Variants in ZGRF1 observed in about 807,000 individuals in gnomAD.
ZGRF1 encodes the protein zinc finger GRF-type containing 1, also known as 5'-3' DNA helicase ZGRF1.
Under a neutral mutation model 203.5 loss-of-function variants are expected in ZGRF1, and 196 were observed. The observed-to-expected ratio is 0.96, with a 90% confidence interval of 0.86 to 1.08. The LOEUF (loss-of-function observed/expected upper bound fraction) is 1.08, where lower values mean the gene tolerates loss of function less well. ZGRF1 is among the 50% of genes least tolerant of loss of function. The probability of loss-of-function intolerance (pLI) is 0.00; values close to 1 mark genes in which losing one functional copy is unlikely to be tolerated. For synonymous variants in ZGRF1, 809 were observed against 841.3 expected (o/e 0.96, Z 0.66); for missense variants, 2,326 against 2,416.3 (o/e 0.96, Z 0.78).
In ZGRF1 at chr4:112,540,855, C is replaced by T; in HGVS notation, c.5876G>A (p.Gly1959Asp). ...IASGIAGSMI[G>D]VITLYKSQMY... ...CTGGGATTTGTATAATGTTATCACA[C>T]CAATCATAGAGCCTGCTATTCCACT... Residue 1959 changes from glycine (G) to aspartate (D), a missense_variant, in exon 26 of 28, where the codon GGT (glycine) becomes GAT (aspartate). Coordinates refer to ENST00000505019, the MANE Select transcript of ZGRF1 (RefSeq NM_018392.5). The T allele has an allele frequency of 1.9e-6, 3 of 1,595,540 alleles. No individual in the cohort carries two copies. Among genetic ancestry groups the T allele is most frequent in the Non-Finnish European group, 1.7e-6 (2 of 1,169,868 alleles).
In ZGRF1 at chr4:112,631,977, T is replaced by C. The variant is rs1277739440; in HGVS notation, c.55A>G (p.Lys19Glu). ...TTCAGAATTCCATCTTGCCACACTT[T>C]TGACTTCTTCATCTTTTGATGAGTA... ...LYTHQKMKKSKVWQDGILKIT... is the reference protein window; with the variant it reads ...LYTHQKMKKSEVWQDGILKIT... Residue 19 changes from lysine to glutamate, a missense_variant, in exon 3 of 28, where the codon AAA becomes GAA. Lys to Glu is a moderately conservative substitution (Grantham distance 56). Transcript: ENST00000505019. 1.3e-6 allele frequency: 2 copies of C among 1,595,492 alleles called. No individual in the cohort carries two copies. The highest frequency in any genetic ancestry group is 1.7e-6 in the Non-Finnish European group (2 of 1,170,888).
chr4:112,562,342 C>T lies in ZGRF1; in HGVS notation c.4697+29G>A, dbSNP rs747664152. On this transcript the variant is annotated intron_variant, in intron 18 of 27. Coordinates refer to ENST00000505019, the MANE Select transcript of ZGRF1 (RefSeq NM_018392.5). ...ACTTCTGATTACCATTTTTTAATAC[C>T]AATGACTCAAAGGTAAAAAATGACT... The T allele has an allele frequency of 3.4e-6, 4 of 1,190,128 alleles. No individual in the cohort carries two copies. The South Asian group carries it at 3.9e-5, about 12-fold the overall frequency. The allele number at this position is 1,190,128 out of a possible 1,614,324, so 73.7% of individuals were successfully genotyped here.
At chr4:112,569,214 T>C (rs191472726) in intron 16 of ZGRF1, among the ~76,000 whole-genome samples, 8 of 152,188 alleles carry the variant, frequency 5.3e-5, no homozygotes, top group African/African-American at 1.9e-4. Context: ...AATAGATCTA[T>C]ACTAACCAAG....
In ZGRF1 at chr4:112,618,782, G is replaced by A. The variant is rs2046970715; in HGVS notation, c.1260C>T (p.Ser420=). ...NESSSLQVTC[S]SAENDGILSE... ...ATAATATACCATCATTTTCTGCACT[G>A]CTACAAGTAACCTGTAAGCTACTGC... Residue 420 remains serine (S), a synonymous_variant, in exon 6 of 28, where the codon AGC becomes AGT. Coordinates refer to ENST00000505019, the MANE Select transcript of ZGRF1 (RefSeq NM_018392.5). The A allele has an allele frequency of 1.2e-6, 2 of 1,611,898 alleles. No homozygotes were observed. Among genetic ancestry groups the A allele is most frequent in the East Asian group, 2.2e-5 (1 of 44,854 alleles).
At position 112,563,263 on chromosome 4, in the gene ZGRF1, C is replaced by T; in HGVS notation, c.4450G>A (p.Val1484Met). 1 of 1,550,148 alleles carries T rather than the reference C, an allele frequency of 6.5e-7. No individual in the cohort carries two copies. Among genetic ancestry groups the T allele is most frequent in the Middle Eastern group, 1.7e-4 (1 of 5,924 alleles). The change falls in exon 17 of 28, where the codon GTG becomes ATG. Residue 1484 changes from valine to methionine, a missense_variant. Transcript: ENST00000505019. Reference protein sequence around the residue: ...SSAYSKNDLWVVSKTLDFELD... With the variant: ...SSAYSKNDLWMVSKTLDFELD... ...TCAAAGTCTAGGGTTTTTGAAACCA[C>T]CCAAAGATCATCTGAAAAGACAAAC...
In ZGRF1 at chr4:112,587,419, C is replaced by A; in HGVS notation, c.3638G>T (p.Arg1213Leu). The A allele has an allele frequency of 6.2e-7, 1 of 1,613,862 alleles. No homozygotes were observed. The highest frequency in any genetic ancestry group is 8.5e-7 in the Non-Finnish European group (1 of 1,179,840). ...CGAATCTTGACTGCTAAAATCCTGCCGCTGTTGATAGAGCATGCCTTTTAT... is the reference window on the plus strand; with the variant it reads ...CGAATCTTGACTGCTAAAATCCTGCAGCTGTTGATAGAGCATGCCTTTTAT... ...QMIKGMLYQQ[R>L]QDFSSQDSVS... The change falls in exon 12 of 28, where the codon CGG becomes CTG. Residue 1213 changes from arginine to leucine, a missense_variant. Arg to Leu is a moderately radical substitution (Grantham distance 102). Transcript: ENST00000505019.
At chr4:112,617,418 A>G in intron 6 of ZGRF1, 22 bp downstream of exon 6, 1 of 1,503,218 alleles carries the variant, frequency 6.7e-7, no homozygotes, top group South Asian at 1.4e-5. Context: ...AAAACATTCC[A>G]AAATAGACAT....
chr4:112,597,669 A>C (rs1005020041), intron 10 of ZGRF1, among the ~76,000 whole-genome samples: 5 of 152,014 alleles, frequency 3.3e-5, no homozygotes, highest in Non-Finnish European at 5.9e-5. Context: ...ATTTGAGGTC[A>C]GGAGTTCAAG....
chr4:112,633,063 C>A, intron 2 of ZGRF1, 93 bp downstream of exon 2: 1 of 1,155,680 alleles, frequency 8.7e-7, no homozygotes, highest in South Asian at 1.3e-5. Flanking sequence ...TTTGCTAAAT[C>A]TGGCAACACA....
chr4:112,551,536 AT>A (rs1181797483), intron 22 of ZGRF1, among the ~76,000 whole-genome samples: 1 of 152,228 alleles, frequency 6.6e-6, no homozygotes, highest in Non-Finnish European at 1.5e-5. Flanking sequence ...TATTTTAATA[AT>A]AAATAATATT....
chr4:112,562,513 T>C (rs1742194601), intron 17 of ZGRF1, 28 bp from the exon 18 acceptor site: 3 of 1,347,972 alleles, frequency 2.2e-6, no homozygotes, highest in South Asian at 1.2e-5. Flanking sequence ...AAAATAAACA[T>C]TTGATGTAAA....
chr4:112,557,940 A>G (rs562125962), intron 20 of ZGRF1, among the ~76,000 whole-genome samples: 1 of 152,194 alleles, frequency 6.6e-6, no homozygotes, highest in Non-Finnish European at 1.5e-5. Flanking sequence ...CACTGTGCCA[A>G]AATTTCCAGT....
chr4:112,593,502 GCA>G (rs748240846), intron 10 of ZGRF1, among the ~76,000 whole-genome samples: 22 of 152,248 alleles, frequency 1.4e-4, no homozygotes, highest in Non-Finnish European at 2.6e-4. Context: ...CCAGTGGCAC[GCA>G]CAATAAAAAT....
intron 10 of ZGRF1, among the ~76,000 whole-genome samples, chr4:112,602,203 C>CA (rs879651443): frequency 1.7e-3 from 233 of 134,010 alleles, no homozygotes; most frequent in Middle Eastern, 3.7e-3. Flanking sequence ...AACTCTGTCT[C>CA]AAAAAAAAAA....
intron 11 of ZGRF1, among the ~76,000 whole-genome samples, chr4:112,588,895 A>G (rs1277903411): frequency 6.6e-6 from 1 of 152,204 alleles, no homozygotes; most frequent in Non-Finnish European, 1.5e-5. Context: ...CCATTAAAGT[A>G]AAAGATTCAT....
chr4:112,587,134 G>A (rs1050423732), intron 12 of ZGRF1, 146 bp downstream of exon 12: 7 of 663,948 alleles, frequency 1.1e-5, no homozygotes, highest in Non-Finnish European at 1.8e-5. Flanking sequence ...TTAAGTAAAG[G>A]ATGATGTAAC....
chr4:112,589,773 G>A lies in ZGRF1; in HGVS notation c.3078C>T (p.Ser1026=), dbSNP rs373685689. Residue 1026 remains serine, a synonymous_variant, in exon 11 of 28, where the codon TCC becomes TCT. Transcript: ENST00000505019. ...CATCAGGTAAAGTTCTTGCTTTCAG[G>A]GACGTCTCAGAGAATTCTACCATGA... ...EDFMVEFSET[S]LKARTLPDDL... The A allele has an allele frequency of 1.2e-6, 2 of 1,613,646 alleles. No homozygotes were observed. Among genetic ancestry groups the A allele is most frequent in the Non-Finnish European group, 1.7e-6 (2 of 1,179,788 alleles).
chr4:112,595,695 T>C (rs1295447914), intron 10 of ZGRF1, among the ~76,000 whole-genome samples: 1 of 152,172 alleles, frequency 6.6e-6, no homozygotes, highest in Admixed American at 6.6e-5. Context: ...ATTAAAAAAT[T>C]CTGGAGATCC....
intron 10 of ZGRF1, among the ~76,000 whole-genome samples, chr4:112,595,935 TAA>T (rs1457633420): frequency 6.6e-6 from 1 of 152,236 alleles, no homozygotes; most frequent in Non-Finnish European, 1.5e-5. Context: ...GAATTTCTTG[TAA>T]GTCCAGAGAT....
Sources: gnomAD v4.1 joint callset for allele counts (sites outside exome capture counted in the v4.1 genomes callset) on GRCh38, gnomAD v4.1.1 for gene constraint, MANE v1.5 for transcripts, NCBI Gene and HGNC (gene_info 2026-07-23, HGNC 2026-07-21) for gene names.